The following ALDH1L2 variants were observed in gnomAD, a reference collection of about 807,000 sequenced individuals.
ALDH1L2 encodes the protein mitochondrial 10-formyltetrahydrofolate dehydrogenase.
In ALDH1L2, 91 loss-of-function variants were observed where a neutral mutation model predicts 111.0. That is an observed-to-expected ratio of 0.82 (90% CI 0.69 to 0.98). The LOEUF (loss-of-function observed/expected upper bound fraction) is 0.98, where lower values mean the gene tolerates loss of function less well. Ranked by LOEUF, ALDH1L2 falls within the 50% of genes least tolerant of loss-of-function variation. ALDH1L2 has a pLI of 0.00. For missense variants in ALDH1L2, 995 were observed against 1,126.8 expected (o/e 0.88, Z 1.67); for synonymous variants, 374 against 392.6 (o/e 0.95, Z 0.56).
intron 9 of ALDH1L2, among the ~76,000 whole-genome samples, chr12:105,059,915 C>G (rs1876884682): frequency 6.6e-6 from 1 of 152,220 alleles, no homozygotes. Context: ...TACCCACCAT[C>G]AAGGGACTGC....
intron 15 of ALDH1L2, among the ~76,000 whole-genome samples, chr12:105,042,408 T>C (rs1439473204): frequency 1.6e-5 from 1 of 61,044 alleles, no homozygotes; most frequent in Non-Finnish European, 3.9e-5. Flanking sequence ...TTGGGTTTTT[T>C]TGTTGTTGTT....
At position 105,060,827 on chromosome 12, in the gene ALDH1L2, GAAAAAA is replaced by G. The variant is rs10674036; in HGVS notation, c.1139+148_1139+153del. On this transcript the variant is annotated intron_variant, in intron 9 of 22. Transcript: ENST00000258494. ...CAACAAGAGTGAAACTCCATCTCAG[GAAAAAA>G]AAAAAAAAAAAAAAAGATGAGTCAT... 5.6e-3 allele frequency: 789 copies of G among 140,030 alleles called. 1 individual carries two copies. The highest frequency in any genetic ancestry group is 0.01 in the African/African-American group (201 of 19,428). The allele number at this position is 140,030 out of a possible 1,614,324, so 8.7% of individuals were successfully genotyped here.
At chr12:105,066,967 G>A (rs564498441) in intron 4 of ALDH1L2, among the ~76,000 whole-genome samples, 24 of 152,258 alleles carry the variant, frequency 1.6e-4, no homozygotes, top group African/African-American at 5.1e-4. Flanking sequence ...AGTGGCTCAC[G>A]CCTGTAATCC....
chr12:105,053,855 A>ATG (rs1229317476), intron 10 of ALDH1L2, among the ~76,000 whole-genome samples: 5 of 149,726 alleles, frequency 3.3e-5, no homozygotes, highest in Admixed American at 6.7e-5. Flanking sequence ...ATTATATATT[A>ATG]TTATTATATA....
At chr12:105,075,186 G>A (rs1336483146) in intron 1 of ALDH1L2, among the ~76,000 whole-genome samples, 1 of 152,224 alleles carries the variant, frequency 6.6e-6, no homozygotes, top group East Asian at 1.9e-4. Context: ...ACACCCAAGA[G>A]CCAAGAGACT....
At chr12:105,028,070 C>T (rs1874507551) in intron 21 of ALDH1L2, among the ~76,000 whole-genome samples, 1 of 152,140 alleles carries the variant, frequency 6.6e-6, no homozygotes, top group Non-Finnish European at 1.5e-5. Context: ...AAAACGCACA[C>T]ATTTTCTACC....
At chr12:105,063,554 A>G (rs1276953391) in intron 6 of ALDH1L2, among the ~76,000 whole-genome samples, 6 of 152,176 alleles carry the variant, frequency 3.9e-5, no homozygotes, top group Admixed American at 3.9e-4. Flanking sequence ...GGAGAGTCCA[A>G]AATGCCCCAC....
intron 15 of ALDH1L2, among the ~76,000 whole-genome samples, chr12:105,043,773 T>C (rs1469555093): frequency 1.3e-5 from 2 of 152,202 alleles, no homozygotes; most frequent in African/African-American, 4.8e-5. Context: ...GGATTATAGG[T>C]TTGCATAATA....
intron 22 of ALDH1L2, 121 bp from the exon 23 acceptor site, chr12:105,024,600 G>A: frequency 1.1e-6 from 1 of 943,238 alleles, no homozygotes; most frequent in Non-Finnish European, 1.7e-6. Flanking sequence ...TGTGGCCTAA[G>A]CCAGTGCTTC....
At chr12:105,070,309 G>C (rs1056194681) in intron 3 of ALDH1L2, among the ~76,000 whole-genome samples, 1 of 152,076 alleles carries the variant, frequency 6.6e-6, no homozygotes, top group African/African-American at 2.4e-5. Context: ...TAACCAATCA[G>C]GACCTCACAA....
At chr12:105,025,073 G>T (rs1453733137) in intron 22 of ALDH1L2, among the ~76,000 whole-genome samples, 1 of 152,194 alleles carries the variant, frequency 6.6e-6, no homozygotes, top group Non-Finnish European at 1.5e-5. Context: ...GCCTTTCTTT[G>T]ACTGTTTCTA....
rs77350042 is a variant in ALDH1L2, at chr12:105,054,476, C to T, written c.1288-1545G>A. ...AAAAGTGAGCTTTATGGTGTATTAA[C>T]TGCCTTATTCCCATCTTTCTCAAAA... On this transcript the variant is annotated intron_variant, in intron 10 of 22. Coordinates refer to ENST00000258494, the MANE Select transcript of ALDH1L2 (RefSeq NM_001034173.4). Among the ~76,000 whole-genome samples the T allele has an allele frequency of 4.5e-3, 692 of 152,318 alleles. 21 individuals are homozygous for T. The East Asian group carries it at 0.079, about 17-fold the overall frequency.
chr12:105,040,832 C>G (rs1875487590), intron 15 of ALDH1L2, 138 bp from the exon 16 acceptor site: 3 of 707,074 alleles, frequency 4.2e-6, no homozygotes, highest in Admixed American at 2.4e-5. Flanking sequence ...GCCATAATTT[C>G]AGACTTACAA....
chr12:105,038,879 AGCCTG>A (rs1875349657), intron 17 of ALDH1L2, among the ~76,000 whole-genome samples: 1 of 152,234 alleles, frequency 6.6e-6, no homozygotes. Flanking sequence ...GTTACATAAA[AGCCTG>A]GCAAAAGAAT....
intron 1 of ALDH1L2, among the ~76,000 whole-genome samples, chr12:105,082,961 T>C (rs1260181357): frequency 6.6e-6 from 1 of 151,814 alleles, no homozygotes; most frequent in Non-Finnish European, 1.5e-5. Flanking sequence ...TTCCCAGCCA[T>C]GAGTATCACT....
intron 18 of ALDH1L2, among the ~76,000 whole-genome samples, chr12:105,035,324 G>T (rs1220965342): frequency 6.6e-6 from 1 of 151,858 alleles, no homozygotes; most frequent in African/African-American, 2.4e-5. Flanking sequence ...TTTTTTATTT[G>T]TATTTATTTA....
rs1874311441 is a variant in ALDH1L2, at chr12:105,024,409, G to A, written c.*15C>T. On this transcript the variant is annotated 3_prime_UTR_variant, in exon 23 of 23. Coordinates refer to ENST00000258494, the MANE Select transcript of ALDH1L2 (RefSeq NM_001034173.4). ...AAGGGCTGTCTGTCAAGGCTTTCCTGATGATGGTGTTGCTCTAATATTCCA... is the reference window on the plus strand; with the variant it reads ...AAGGGCTGTCTGTCAAGGCTTTCCTAATGATGGTGTTGCTCTAATATTCCA... 6.2e-7 allele frequency: 1 copy of A among 1,613,524 alleles called. No homozygotes were observed. Among genetic ancestry groups the A allele is most frequent in the Admixed American group, 1.7e-5 (1 of 59,992 alleles).
chr12:105,022,647 A>G lies in ALDH1L2; in HGVS notation c.*1777T>C, dbSNP rs1381608762. ...GTCATTTTGGGCCCAGTGAATATTC[A>G]TTCCAACTTAAAATTTCAGCTGTGC... On this transcript the variant is annotated 3_prime_UTR_variant, in exon 23 of 23. Transcript: ENST00000258494. The G allele has an allele frequency of 2.0e-5, 3 of 152,218 alleles. No homozygotes were observed. Among genetic ancestry groups the G allele is most frequent in the Admixed American group, 6.5e-5 (1 of 15,286 alleles). 9.4% of individuals were successfully genotyped at this position (152,218 alleles called of 1,614,324 possible).
chr12:105,071,019 A>G (rs1877655424), intron 2 of ALDH1L2, among the ~76,000 whole-genome samples: 1 of 152,236 alleles, frequency 6.6e-6, no homozygotes, highest in African/African-American at 2.4e-5. Flanking sequence ...ATTAGAACTG[A>G]AAAGTTTTTG....
Sources: gnomAD v4.1 joint callset for allele counts (sites outside exome capture counted in the v4.1 genomes callset) on GRCh38, gnomAD v4.1.1 for gene constraint, MANE v1.5 for transcripts, NCBI Gene and HGNC (gene_info 2026-07-23, HGNC 2026-07-21) for gene names.